PLCE1: variants seen among roughly 807,000 people sequenced by gnomAD.
The protein encoded by PLCE1 is phospholipase C epsilon 1, also known as 1-phosphatidylinositol 4,5-bisphosphate phosphodiesterase epsilon-1.
PLCE1 carries 119 observed loss-of-function variants against 242.8 expected under a neutral mutation model. That is an observed-to-expected ratio of 0.49 (90% CI 0.42 to 0.57). The LOEUF is 0.57. PLCE1 is among the 20% of genes least tolerant of loss of function. PLCE1 has a pLI of 0.00. For missense variants in PLCE1, 2,441 were observed against 2,788.8 expected, an observed-to-expected ratio of 0.88 and a Z score of 2.81; for synonymous variants, 945 against 1,017.4, an observed-to-expected ratio of 0.93 and a Z score of 1.35.
intron 2 of PLCE1, among the ~76,000 whole-genome samples, chr10:94,102,132 A>G (rs1338749385): frequency 6.6e-6 from 1 of 152,230 alleles, no homozygotes; most frequent in Non-Finnish European, 1.5e-5. Context: ...AGCAACAATA[A>G]GCATCTGTTC....
At chr10:94,090,397 A>T (rs1015307323) in intron 2 of PLCE1, among the ~76,000 whole-genome samples, 1 of 152,216 alleles carries the variant, frequency 6.6e-6, no homozygotes, top group Non-Finnish European at 1.5e-5. Context: ...TTAAGTGTTC[A>T]TTCCTTCTAC....
intron 2 of PLCE1, among the ~76,000 whole-genome samples, chr10:94,125,218 C>A (rs1293703342): frequency 6.6e-6 from 1 of 152,118 alleles, no homozygotes; most frequent in Non-Finnish European, 1.5e-5. Flanking sequence ...AAGGAACAGA[C>A]AACAAACAAC....
chr10:94,323,420 G>A (rs989091159), intron 30 of PLCE1, among the ~76,000 whole-genome samples: 12 of 152,146 alleles, frequency 7.9e-5, no homozygotes, highest in African/African-American at 2.7e-4. Context: ...GTAGTGTGCT[G>A]GTAAACCAGC....
At chr10:94,025,426 T>C (rs1457283815) in intron 1 of PLCE1, among the ~76,000 whole-genome samples, 1 of 152,190 alleles carries the variant, frequency 6.6e-6, no homozygotes, top group Non-Finnish European at 1.5e-5. Context: ...TGAGATAGTA[T>C]GTATTCTGTG....
rs376003991 is a variant in PLCE1, at chr10:94,086,817, G to T, written c.1207-45357G>T. On this transcript the variant is annotated intron_variant, in intron 2 of 32. Coordinates refer to ENST00000371380, the MANE Select transcript of PLCE1 (RefSeq NM_016341.4). Reference sequence around the variant, plus strand: ...TATTTGTCCCCTTGACCAGCTGTGTGGCCCTATGCAAATCATTCATTCCCT... The same window carrying T: ...TATTTGTCCCCTTGACCAGCTGTGTTGCCCTATGCAAATCATTCATTCCCT... Among the ~76,000 whole-genome samples the T allele has an allele frequency of 1.2e-4, 18 of 152,150 alleles. 1 individual carries two copies. In the East Asian group the frequency reaches 2.7e-3, roughly 23 times the overall value.
chr10:94,025,738 C>T (rs2061443434), intron 1 of PLCE1, among the ~76,000 whole-genome samples: 1 of 152,128 alleles, frequency 6.6e-6, no homozygotes, highest in Non-Finnish European at 1.5e-5. Context: ...TAGTCCTGAT[C>T]CTCCCTTTTG....
intron 2 of PLCE1, among the ~76,000 whole-genome samples, chr10:94,119,064 C>T (rs1217301480): frequency 6.6e-6 from 1 of 152,218 alleles, no homozygotes; most frequent in Non-Finnish European, 1.5e-5. Flanking sequence ...TAAGTCCTCG[C>T]CCACCCTGTG....
At chr10:94,010,985 C>T (rs751400486) in intron 1 of PLCE1, among the ~76,000 whole-genome samples, 6 of 152,208 alleles carry the variant, frequency 3.9e-5, no homozygotes, top group Non-Finnish European at 8.8e-5. Context: ...TCCAAAGCCA[C>T]TTCCACATTT....
At chr10:94,106,525 A>G (rs549569831) in intron 2 of PLCE1, among the ~76,000 whole-genome samples, 2 of 152,170 alleles carry the variant, frequency 1.3e-5, no homozygotes, top group Non-Finnish European at 2.9e-5. Context: ...CTATGTGTGT[A>G]ATGCTAAATA....
chr10:94,054,018 T>C (rs967040519), intron 2 of PLCE1, among the ~76,000 whole-genome samples: 8 of 152,090 alleles, frequency 5.3e-5, no homozygotes, highest in Admixed American at 3.9e-4. Flanking sequence ...AATTATCCAA[T>C]CATCAAGGGA....
intron 1 of PLCE1, among the ~76,000 whole-genome samples, chr10:94,028,606 A>G (rs967856661): frequency 2.6e-5 from 4 of 152,018 alleles, no homozygotes; most frequent in Non-Finnish European, 4.4e-5. Flanking sequence ...GACATATTTT[A>G]AAACCATCAC....
chr10:94,069,002 A>G (rs968447933), intron 2 of PLCE1, among the ~76,000 whole-genome samples: 18 of 152,232 alleles, frequency 1.2e-4, no homozygotes, highest in Admixed American at 6.5e-5. Context: ...GGAGTATTCA[A>G]TAGATGAATG....
chr10:94,071,504 T>TG (rs200880209), intron 2 of PLCE1, among the ~76,000 whole-genome samples: 5 of 135,130 alleles, frequency 3.7e-5, no homozygotes, highest in African/African-American at 1.2e-4. Flanking sequence ...CGTTTTTTTT[T>TG]TTTTTTTTTT....
chr10:94,144,730 C>A (rs74151071), intron 3 of PLCE1, among the ~76,000 whole-genome samples: 3,331 of 152,112 alleles, frequency 0.022, 101 homozygotes, highest in African/African-American at 0.075. Flanking sequence ...CCAGTGGCAG[C>A]AGGGAGTATG....
chr10:93,996,126 T>A (rs1388873789), intron 1 of PLCE1, among the ~76,000 whole-genome samples: 1 of 152,150 alleles, frequency 6.6e-6, no homozygotes, highest in Non-Finnish European at 1.5e-5. Flanking sequence ...TGTGTGTGTG[T>A]GTGTGTGCGC....
In PLCE1 at chr10:94,259,247, G is replaced by A. The variant is rs1424514969; in HGVS notation, c.3814+97G>A. 5 of 1,218,520 alleles carry A rather than the reference G, an allele frequency of 4.1e-6. No individual in the cohort carries two copies. In the African/African-American group the frequency reaches 5.9e-5, roughly 14 times the overall value. The allele number at this position is 1,218,520 out of a possible 1,614,324, so 75.5% of individuals were successfully genotyped here. A position where few individuals can be genotyped will look rare whatever the true frequency, so the allele number is the denominator to read the frequency against. Reference sequence around the variant, plus strand: ...ACAAACTCTGAGCCTGTCCCACATAGTGTGCTATTACTGCTGTGTAGGGAA... The same window carrying A: ...ACAAACTCTGAGCCTGTCCCACATAATGTGCTATTACTGCTGTGTAGGGAA... On this transcript the variant is annotated intron_variant, in intron 13 of 32. Coordinates refer to ENST00000371380, the MANE Select transcript of PLCE1 (RefSeq NM_016341.4).
intron 23 of PLCE1, among the ~76,000 whole-genome samples, chr10:94,293,898 G>A (rs148394295): frequency 2.0e-5 from 3 of 152,262 alleles, no homozygotes; most frequent in African/African-American, 7.2e-5. Context: ...CTTGAGGTCA[G>A]GAGTTCGAGA....
intron 4 of PLCE1, among the ~76,000 whole-genome samples, chr10:94,177,517 T>C (rs775432540): frequency 6.6e-6 from 1 of 152,214 alleles, no homozygotes; most frequent in African/African-American, 2.4e-5. Context: ...ACTTTCTTAA[T>C]CTGGACACCT....
At chr10:94,173,155 G>A (rs142813536) in intron 4 of PLCE1, among the ~76,000 whole-genome samples, 104 of 152,310 alleles carry the variant, frequency 6.8e-4, no homozygotes, top group Non-Finnish European at 1.2e-3. Context: ...GATTACACAA[G>A]TGGTAGGTGG....
Sources: gnomAD v4.1 joint callset for allele counts (sites outside exome capture counted in the v4.1 genomes callset) on GRCh38, gnomAD v4.1.1 for gene constraint, MANE v1.5 for transcripts, NCBI Gene and HGNC (gene_info 2026-07-23, HGNC 2026-07-21) for gene names.